Variants in CRHR2 observed in about 807,000 individuals in gnomAD.
The protein encoded by CRHR2 is corticotropin-releasing hormone receptor 2.
In CRHR2, 53 loss-of-function variants were observed where a neutral mutation model predicts 57.9. The ratio of observed to expected loss-of-function variants is 0.92; its 90% confidence interval spans 0.73 to 1.15. The LOEUF is 1.15. Among genes scored for constraint, CRHR2 ranks in the 50% most tolerant of loss-of-function variants. The probability of loss-of-function intolerance (pLI) is 0.00; values close to 1 mark genes in which losing one functional copy is unlikely to be tolerated. For synonymous variants in CRHR2, 213 were observed against 220.9 expected, an observed-to-expected ratio of 0.96 and a Z score of 0.32; for missense variants, 532 against 542.6, an observed-to-expected ratio of 0.98 and a Z score of 0.19.
At position 30,655,723 on chromosome 7, in the gene CRHR2, C is replaced by T. The variant is rs576077753; in HGVS notation, c.918-8G>A. On this transcript the variant is annotated splice_polypyrimidine_tract_variant and splice_region_variant and intron_variant, in intron 9 of 11. Transcript: ENST00000471646. ...GTGGCCTTCACTGCCTTCCTGGGGG[C>T]GAGAGGTGGACACAGGTCTGAGCCC... 126 of 1,611,896 alleles carry T rather than the reference C, an allele frequency of 7.8e-5. No individual in the cohort carries two copies. In the East Asian group the frequency reaches 2.1e-3, roughly 27 times the overall value.
upstream of CRHR2, chr7:30,686,472 T>G: frequency 6.6e-7 from 1 of 1,524,378 alleles, no homozygotes; most frequent in South Asian, 1.2e-5. Context: ...GGCATATGTG[T>G]GTGTGTTGCA....
At chr7:30,674,518 C>T (rs1784456469) in intron 2 of CRHR2, among the ~76,000 whole-genome samples, 1 of 152,226 alleles carries the variant, frequency 6.6e-6, no homozygotes, top group Non-Finnish European at 1.5e-5. Context: ...GAGGGGAGAC[C>T]ACCTGCCCAA....
chr7:30,655,439 G>A, intron 10 of CRHR2, 141 bp downstream of exon 10: 2 of 1,076,358 alleles, frequency 1.9e-6, no homozygotes, highest in East Asian at 5.0e-5. Flanking sequence ...CTCAGGCTGA[G>A]CATGTACGGG....
rs888675812 is a variant in CRHR2, at chr7:30,656,921, C to G, written c.832-909G>C. 7.9e-5 allele frequency among the ~76,000 whole-genome samples: 12 copies of G among 152,174 alleles called. No individual in the cohort carries two copies. Among genetic ancestry groups the G allele is most frequent in the African/African-American group, 2.4e-4 (10 of 41,442 alleles). On this transcript the variant is annotated intron_variant, in intron 8 of 11. Transcript: ENST00000471646. The surrounding 1 kb of genome is among the most constrained non-coding windows in gnomAD (Gnocchi z 4.4). ...GCATGGATCTGGGGCCCGGGCACAT[C>G]TGCGTTTCTCTTCACCTGCCTCCGA... is the stretch of plus-strand genomic sequence containing the variant.
Position 30,674,726 on chromosome 7 carries a change from C to T in CRHR2, c.229+7189G>A, listed in dbSNP as rs150469599. The stretch of plus-strand genomic sequence containing the variant: ...TCTAGATAGACAGAATCCTCCCTCC[C>T]AGGACATCCCCAGAAGCCACAGAGT... On this transcript the variant is annotated intron_variant, in intron 2 of 11. Coordinates refer to ENST00000471646, the MANE Select transcript of CRHR2 (RefSeq NM_001883.5). 7.2e-5 allele frequency among the ~76,000 whole-genome samples: 11 copies of T among 152,240 alleles called. No homozygotes were observed. The East Asian group carries it at 1.9e-3, about 27-fold the overall frequency.
rs780797242 is a variant in CRHR2 at position 30,653,512 on chromosome 7, G to A, written c.1184C>T (p.Thr395Ile). The A allele has an allele frequency of 6.2e-7, 1 of 1,613,656 alleles. No homozygotes were observed. The highest frequency in any genetic ancestry group is 1.7e-5 in the Admixed American group (1 of 60,006). Residue 395 changes from threonine to isoleucine, a missense_variant, in exon 12 of 12, where the codon ACA (threonine) becomes ATA (isoleucine). Coordinates refer to ENST00000471646, the MANE Select transcript of CRHR2 (RefSeq NM_001883.5). This position sits in a 1 kb window ranked among gnomAD's most constrained non-coding sequence, Gnocchi z 5.0. ...VPMARAMSIPTSPTRISFHSI... is the reference protein window; with the variant it reads ...VPMARAMSIPISPTRISFHSI... ...GTGGAAGCTGATCCGTGTGGGTGAT[G>A]TAGGGATGGACATGGCCCGGGCCAT...
chr7:30,671,647 A>T (rs1182069573), intron 2 of CRHR2, among the ~76,000 whole-genome samples: 3 of 151,800 alleles, frequency 2.0e-5, no homozygotes, highest in East Asian at 3.9e-4. Context: ...AAAAAAAAAA[A>T]AAAAAAAAAA....
chr7:30,681,064 C>T (rs1262223570), intron 2 of CRHR2, among the ~76,000 whole-genome samples: 1 of 152,070 alleles, frequency 6.6e-6, no homozygotes, highest in African/African-American at 2.4e-5. Context: ...GCTCCCATCC[C>T]ATGTTCCACA....
At chr7:30,654,727 A>G in intron 11 of CRHR2, 3 of 1,536,096 alleles carry the variant, frequency 2.0e-6, no homozygotes, top group Non-Finnish European at 2.6e-6. Context: ...CTCTTTCTGG[A>G]AGCTTCCTTC....
intron 2 of CRHR2, 115 bp downstream of exon 2, chr7:30,681,800 C>G: frequency 7.1e-7 from 1 of 1,417,796 alleles, no homozygotes; most frequent in Non-Finnish European, 9.2e-7. Flanking sequence ...CCGCGGTCCG[C>G]GGTACCGCGG....
intron 1 of CRHR2, among the ~76,000 whole-genome samples, chr7:30,696,403 C>T (rs893294004): frequency 6.6e-6 from 1 of 152,048 alleles, no homozygotes; most frequent in Non-Finnish European, 1.5e-5. Context: ...ATATATATAC[C>T]TACTATGTAC....
At chr7:30,667,450 T>C in intron 2 of CRHR2, 137 bp from the exon 3 acceptor site, 1 of 651,452 alleles carries the variant, frequency 1.5e-6, no homozygotes, top group Non-Finnish European at 2.7e-6. Context: ...ATCTGAAAGT[T>C]TACATGTAAG....
At chr7:30,658,578 A>G (rs145743682) in intron 8 of CRHR2, among the ~76,000 whole-genome samples, 1 of 152,204 alleles carries the variant, frequency 6.6e-6, no homozygotes, top group South Asian at 2.1e-4. Context: ...CATGGCTCAA[A>G]TTTTGACTGT....
chr7:30,660,501 G>T (rs971742168), intron 8 of CRHR2, 72 bp downstream of exon 8: 3 of 1,463,588 alleles, frequency 2.0e-6, no homozygotes, highest in Non-Finnish European at 2.8e-6. Context: ...CTTTCCCAGC[G>T]TCTCTGCCTG....
chr7:30,682,633 T>G, upstream of CRHR2: 6 of 526,666 alleles, frequency 1.1e-5, no homozygotes, highest in South Asian at 6.4e-5. Flanking sequence ...CGCAGCTCTC[T>G]TCCACTCGCG....
chr7:30,678,094 G>GGGCCAGCTCTGCCCTGTGTTCTT (rs1784577981), intron 2 of CRHR2, among the ~76,000 whole-genome samples: 1 of 152,156 alleles, frequency 6.6e-6, no homozygotes, highest in African/African-American at 2.4e-5. Flanking sequence ...TCCCCTCACA[G>GGGCCAGCTCTGCCCTGTGTTCTT]GGCCAGCTCT....
chr7:30,664,302 A>C (rs1478869286), intron 5 of CRHR2, among the ~76,000 whole-genome samples: 1 of 152,260 alleles, frequency 6.6e-6, no homozygotes, highest in Non-Finnish European at 1.5e-5. Flanking sequence ...GCTTGGACAC[A>C]GTACACAGCA....
intron 1 of CRHR2, among the ~76,000 whole-genome samples, chr7:30,696,698 T>C (rs1785063741): frequency 6.6e-6 from 1 of 152,094 alleles, no homozygotes; most frequent in African/African-American, 2.4e-5. Flanking sequence ...CACTCCAGCC[T>C]GGGCAACAGA....
chr7:30,679,274 A>C (rs1784620196), intron 2 of CRHR2, among the ~76,000 whole-genome samples: 1 of 152,238 alleles, frequency 6.6e-6, no homozygotes, highest in South Asian at 2.1e-4. Flanking sequence ...CGCAAACCGA[A>C]TGCCTCTTGT....
Sources: allele counts gnomAD v4.1 joint callset (sites outside exome capture counted in the v4.1 genomes callset), GRCh38; gene constraint gnomAD v4.1.1; non-coding constraint Gnocchi (gnomAD v3.1); transcripts MANE v1.5; gene names NCBI Gene and HGNC (gene_info 2026-07-23, HGNC 2026-07-21).